Variants in MBD5 observed in about 807,000 individuals in gnomAD.
MBD5 encodes the protein methyl-CpG-binding domain protein 5.
MBD5 carries 13 observed loss-of-function variants against 117.3 expected under a neutral mutation model. The ratio of observed to expected loss-of-function variants is 0.11; its 90% CI spans 0.07 to 0.18. The LOEUF is 0.18. Among genes scored for constraint, MBD5 ranks in the 10% least tolerant of loss-of-function variants. MBD5 has a pLI of 1.00. For synonymous variants in MBD5, 727 were observed against 766.4 expected (o/e 0.95, Z 0.85); for missense variants, 1,879 against 2,093.8 (o/e 0.90, Z 2.00).
chr2:148,374,729 A>C (rs1293867074), intron 4 of MBD5, among the ~76,000 whole-genome samples: 1 of 152,196 alleles, frequency 6.6e-6, no homozygotes, highest in Non-Finnish European at 1.5e-5. Flanking sequence ...GCTCAGGCAG[A>C]CGTGCAAATT....
intron 1 of MBD5, among the ~76,000 whole-genome samples, chr2:148,124,272 G>C (rs1440175602): frequency 1.3e-5 from 2 of 150,290 alleles, no homozygotes. Context: ...GGGCAAAACT[G>C]TCTTGAAAAA....
intron 3 of MBD5, among the ~76,000 whole-genome samples, chr2:148,283,933 T>A (rs1033233008): frequency 1.3e-5 from 2 of 152,220 alleles, no homozygotes; most frequent in African/African-American, 2.4e-5. Flanking sequence ...AGTATCCTGC[T>A]TTTTACCCTG....
chr2:148,510,018 C>T (rs1249489603), intron 12 of MBD5, 42 bp from the exon 13 acceptor site: 2 of 1,445,494 alleles, frequency 1.4e-6, no homozygotes, highest in Non-Finnish European at 1.9e-6. Context: ...AGTTTTGTTT[C>T]TTTAATTTTT....
rs1706952408 is a variant in MBD5 at position 148,458,441 on chromosome 2, C to T, written c.-318C>T. 1.8e-6 allele frequency: 1 copy of T among 562,356 alleles called. No homozygotes were observed. The highest frequency in any genetic ancestry group is 1.9e-5 in the African/African-American group (1 of 53,512). 34.8% of individuals were successfully genotyped at this position (562,356 alleles called of 1,614,324 possible). The stretch of plus-strand genomic sequence containing the variant: ...TGAACTAAAAACTTTACACTCCCCA[C>T]CCCCACTTCAGACAGGTACCAGCAT... On this transcript the variant is annotated 5_prime_UTR_variant, in exon 5 of 14. Transcript: ENST00000642680.
chr2:148,040,579 C>G (rs972499416), intron 1 of MBD5, among the ~76,000 whole-genome samples: 1 of 152,040 alleles, frequency 6.6e-6, no homozygotes, highest in African/African-American at 2.4e-5. Flanking sequence ...CTGTAAGTGA[C>G]AATGATAGCT....
At chr2:148,287,248 C>T (rs1156438709) in intron 3 of MBD5, among the ~76,000 whole-genome samples, 1 of 152,188 alleles carries the variant, frequency 6.6e-6, no homozygotes, top group Non-Finnish European at 1.5e-5. Context: ...TGAAATCCCA[C>T]ATCTTTCCCA....
At chr2:148,410,300 G>A (rs1299144444) in intron 4 of MBD5, among the ~76,000 whole-genome samples, 11 of 152,078 alleles carry the variant, frequency 7.2e-5, no homozygotes, top group Non-Finnish European at 1.3e-4. Context: ...CTAAGATTAA[G>A]CATCATTTAT....
chr2:148,463,517 G>A (rs1009598219), intron 6 of MBD5, among the ~76,000 whole-genome samples: 1 of 152,052 alleles, frequency 6.6e-6, no homozygotes, highest in Non-Finnish European at 1.5e-5. Context: ...TATCTTGGCT[G>A]TCTTAGAATT....
At chr2:148,367,653 A>T (rs1263453665) in intron 4 of MBD5, among the ~76,000 whole-genome samples, 1 of 152,234 alleles carries the variant, frequency 6.6e-6, no homozygotes, top group Non-Finnish European at 1.5e-5. Flanking sequence ...CAACCCCATC[A>T]AAAAATGGGA....
intron 1 of MBD5, among the ~76,000 whole-genome samples, chr2:148,090,766 C>G (rs1695921058): frequency 6.6e-6 from 1 of 152,102 alleles, no homozygotes; most frequent in Admixed American, 6.5e-5. Flanking sequence ...TGAAAGCATT[C>G]TTCCTGACAA....
intron 4 of MBD5, among the ~76,000 whole-genome samples, chr2:148,413,531 A>G (rs1170738455): frequency 6.8e-6 from 1 of 148,138 alleles, no homozygotes; most frequent in Non-Finnish European, 1.5e-5. Context: ...TTTTGGAGTA[A>G]TTTCAGTAGA....
chr2:148,385,543 T>G (rs1344870938), intron 4 of MBD5, among the ~76,000 whole-genome samples: 1 of 152,128 alleles, frequency 6.6e-6, no homozygotes, highest in South Asian at 2.1e-4. Context: ...ATTGTGGAAG[T>G]TGGTGTGGCA....
chr2:148,195,030 C>G (rs1360685744), intron 2 of MBD5, among the ~76,000 whole-genome samples: 1 of 152,152 alleles, frequency 6.6e-6, no homozygotes, highest in African/African-American at 2.4e-5. Flanking sequence ...CACAACTACT[C>G]AACTCTCTTA....
Position 148,470,172 on chromosome 2 carries a change from T to G in MBD5, c.2229T>G (p.Ser743Arg). 6.2e-7 allele frequency: 1 copy of G among 1,613,958 alleles called. No homozygotes were observed. Among genetic ancestry groups the G allele is most frequent in the South Asian group, 1.1e-5 (1 of 91,084 alleles). The change falls in exon 8 of 14, where the codon AGT (serine) becomes AGG (arginine). Residue 743 changes from serine (S) to arginine (R), a missense_variant. By Grantham distance (110) the Ser-to-Arg change is moderately radical. Around this residue, in one of 4 missense-constraint regions of MBD5, gnomAD observed 1,666 missense variants for 1,792.2 expected, o/e 0.93. Transcript: ENST00000642680. ...ACCAGCTGCATTTTACAGATCCCAG[T>G]ATGAACTCTAGTGTTCTTCAGAACA... ...SANQLHFTDP[S>R]MNSSVLQNIP... is the part of the protein sequence containing the mutation.
At chr2:148,403,914 A>T (rs1170879741) in intron 4 of MBD5, among the ~76,000 whole-genome samples, 1 of 151,986 alleles carries the variant, frequency 6.6e-6, no homozygotes, top group Admixed American at 6.6e-5. Context: ...CCCCTGCAAC[A>T]ACTAATTTGT....
At chr2:148,152,531 C>A (rs1023215856) in intron 1 of MBD5, among the ~76,000 whole-genome samples, 14 of 151,666 alleles carry the variant, frequency 9.2e-5, no homozygotes, top group African/African-American at 3.4e-4. Context: ...CTAATGTTGA[C>A]AGTGGGGTGT....
intron 3 of MBD5, among the ~76,000 whole-genome samples, chr2:148,233,937 A>T (rs1227566109): frequency 6.6e-6 from 1 of 152,164 alleles, no homozygotes; most frequent in Non-Finnish European, 1.5e-5. Context: ...CTGCATCAAA[A>T]TATTTCATTG....
At chr2:148,414,254 T>C (rs1235949384) in intron 4 of MBD5, among the ~76,000 whole-genome samples, 1 of 151,936 alleles carries the variant, frequency 6.6e-6, no homozygotes, top group Non-Finnish European at 1.5e-5. Flanking sequence ...CCGGTTAATT[T>C]CCATGAAATT....
intron 4 of MBD5, among the ~76,000 whole-genome samples, chr2:148,371,493 C>A (rs1010181730): frequency 8.5e-5 from 13 of 152,210 alleles, no homozygotes; most frequent in African/African-American, 2.6e-4. Context: ...ACTGTATCAA[C>A]AACCAACAGA....
Sources: gnomAD v4.1 joint callset for allele counts (sites outside exome capture counted in the v4.1 genomes callset) on GRCh38, gnomAD v4.1.1 for gene constraint, gnomAD v4.1.1 regional missense constraint, MANE v1.5 for transcripts, NCBI Gene and HGNC (gene_info 2026-07-23, HGNC 2026-07-21) for gene names.